The following LRGUK variants were observed in gnomAD, a reference collection of about 807,000 sequenced individuals.
LRGUK encodes the protein leucine rich repeats and guanylate kinase domain containing.
In LRGUK, 65 loss-of-function variants were observed where a neutral mutation model predicts 76.0. That is an observed-to-expected ratio of 0.85 (90% CI 0.70 to 1.05). The LOEUF (loss-of-function observed/expected upper bound fraction) is 1.05, where lower values mean the gene tolerates loss of function less well. Ranked by LOEUF, LRGUK falls within the 50% of genes least tolerant of loss-of-function variation. LRGUK has a pLI of 0.00. For synonymous variants in LRGUK, 268 were observed against 265.6 expected (o/e 1.01, Z -0.09); for missense variants, 758 against 732.8 (o/e 1.03, Z -0.40).
rs1585559301 is a variant in LRGUK, at chr7:134,209,314, C to T, written c.2451C>T (p.Pro817=). 3 of 399,412 alleles carry T rather than the reference C, an allele frequency of 7.5e-6. No homozygotes were observed. The East Asian group carries it at 1.1e-4, about 14-fold the overall frequency. 24.7% of individuals were successfully genotyped at this position (399,412 alleles called of 1,614,324 possible). A position where few individuals can be genotyped will look rare whatever the true frequency, so the allele number is the denominator to read the frequency against. ...AAATTGAGTCAGACAAACTTCCACC[C>T]AGCAGTTCCCACCATGATCCTCCAA... The change falls in exon 16 of 16, where the codon CCC becomes CCT. Residue 817 remains proline (P), a synonymous_variant. Transcript: ENST00000645682.
intron 5 of LRGUK, among the ~76,000 whole-genome samples, chr7:134,151,275 C>T (rs1205802113): frequency 2.0e-5 from 3 of 151,944 alleles, no homozygotes; most frequent in Admixed American, 2.0e-4. Context: ...AATTTTAAAA[C>T]AACTTTTATG....
chr7:134,240,700 G>T (rs1372293878), intron 16 of LRGUK, among the ~76,000 whole-genome samples: 1 of 152,138 alleles, frequency 6.6e-6, no homozygotes, highest in Non-Finnish European at 1.5e-5. Flanking sequence ...GAAATACAGA[G>T]AATGCCACAA....
chr7:134,228,781 T>G (rs1801821480), intron 16 of LRGUK, among the ~76,000 whole-genome samples: 1 of 152,116 alleles, frequency 6.6e-6, no homozygotes, highest in African/African-American at 2.4e-5. Context: ...TGTAATAATA[T>G]CAGATTATCA....
intron 1 of LRGUK, among the ~76,000 whole-genome samples, chr7:134,130,297 C>CA (rs1797243457): frequency 6.6e-6 from 1 of 151,698 alleles, no homozygotes. Context: ...TCCCCCCCCC[C>CA]CCAGAGGAAT....
chr7:134,145,936 T>A (rs1238759301), intron 4 of LRGUK, among the ~76,000 whole-genome samples: 1 of 152,176 alleles, frequency 6.6e-6, no homozygotes, highest in Non-Finnish European at 1.5e-5. Context: ...AGCTCTAGGT[T>A]CCAATGGGAG....
intron 8 of LRGUK, 84 bp from the exon 9 acceptor site, chr7:134,176,893 C>T (rs1035457546): frequency 2.6e-6 from 2 of 770,500 alleles, no homozygotes; most frequent in Non-Finnish European, 2.2e-6. Context: ...GGTGAAAGGC[C>T]CAAGCTCATG....
At chr7:134,219,424 G>T (rs569960588) in intron 15 of LRGUK, among the ~76,000 whole-genome samples, 40 of 152,204 alleles carry the variant, frequency 2.6e-4, no homozygotes, top group African/African-American at 9.2e-4. Flanking sequence ...CCACAGTACA[G>T]GCAACTTATG....
rs143800661 is a variant in LRGUK at position 134,196,941 on chromosome 7, T to C, written c.1432-51T>C. 29 of 996,734 alleles carry C rather than the reference T, an allele frequency of 2.9e-5. 1 individual carries two copies. In the East Asian group the frequency reaches 7.0e-4, roughly 24 times the overall value. 61.7% of individuals were successfully genotyped at this position (996,734 alleles called of 1,614,324 possible). On this transcript the variant is annotated intron_variant, in intron 12 of 15. Coordinates refer to ENST00000645682, the Ensembl canonical transcript of LRGUK. ...CATCAAATGATTTGAGTTATGTAAA[T>C]TCCATGATGGCTGCTGTTATATGAA... is the stretch of plus-strand genomic sequence containing the variant.
intron 16 of LRGUK, among the ~76,000 whole-genome samples, chr7:134,224,699 T>TA (rs922927001): frequency 1.2e-4 from 18 of 148,436 alleles, no homozygotes; most frequent in African/African-American, 3.0e-4. Flanking sequence ...AAATAAAAGC[T>TA]AAAAAAAAAA....
intron 18 of LRGUK, among the ~76,000 whole-genome samples, chr7:134,254,843 T>C (rs1321151265): frequency 6.6e-6 from 1 of 152,220 alleles, no homozygotes; most frequent in African/African-American, 2.4e-5. Context: ...TGGACTATTA[T>C]GCAGCAATTA....
intron 18 of LRGUK, among the ~76,000 whole-genome samples, chr7:134,252,386 C>T (rs1426290571): frequency 7.1e-6 from 1 of 140,516 alleles, no homozygotes; most frequent in African/African-American, 2.6e-5. Context: ...ATTAAAGGGA[C>T]CTAACATTCT....
At chr7:134,242,231 C>CA (rs1422070692) in intron 16 of LRGUK, among the ~76,000 whole-genome samples, 2 of 152,006 alleles carry the variant, frequency 1.3e-5, no homozygotes, top group Non-Finnish European at 2.9e-5. Flanking sequence ...GATAGAGACA[C>CA]AAAAAACCCT....
chr7:134,263,000 GT>G lies in LRGUK; in HGVS notation c.2348-837del, dbSNP rs1031250305. ...AAAAAAAAAAAAAAAAAAAGGAGGA[GT>G]TTTTTTTCTTTTCTTTTGCTGATAA... On this transcript the variant is annotated intron_variant, in intron 19 of 19. Transcript: ENST00000285928. 3.7e-4 allele frequency among the ~76,000 whole-genome samples: 54 copies of G among 145,040 alleles called. No individual in the cohort carries two copies. The South Asian group carries it at 6.8e-3, about 18-fold the overall frequency.
chr7:134,167,223 C>T (rs1012216471), intron 7 of LRGUK, among the ~76,000 whole-genome samples: 18 of 152,224 alleles, frequency 1.2e-4, no homozygotes, highest in African/African-American at 4.3e-4. Context: ...CTGATCTGCT[C>T]AGCAACTGCT....
At chr7:134,154,710 G>A (rs2116896270) in intron 5 of LRGUK, among the ~76,000 whole-genome samples, 1 of 152,304 alleles carries the variant, frequency 6.6e-6, no homozygotes, top group East Asian at 1.9e-4. Flanking sequence ...TAACCGCAAT[G>A]GTACCTGCAG....
At chr7:134,251,369 C>T (rs964946482) in intron 18 of LRGUK, among the ~76,000 whole-genome samples, 4 of 152,150 alleles carry the variant, frequency 2.6e-5, no homozygotes, top group Admixed American at 6.5e-5. Flanking sequence ...AGCAAACCAC[C>T]GGAAGTGATG....
intron 16 of LRGUK, among the ~76,000 whole-genome samples, chr7:134,228,780 A>G (rs1262452380): frequency 6.6e-6 from 1 of 152,174 alleles, no homozygotes; most frequent in African/African-American, 2.4e-5. Flanking sequence ...ATGTAATAAT[A>G]TCAGATTATC....
intron 16 of LRGUK, among the ~76,000 whole-genome samples, chr7:134,245,328 G>C (rs1359099738): frequency 6.6e-6 from 1 of 152,154 alleles, no homozygotes; most frequent in Admixed American, 6.6e-5. Flanking sequence ...GCTTTTCAGT[G>C]AATATTTTTC....
At chr7:134,201,261 C>T (rs1025752014) in intron 14 of LRGUK, among the ~76,000 whole-genome samples, 1 of 152,136 alleles carries the variant, frequency 6.6e-6, no homozygotes, top group Non-Finnish European at 1.5e-5. Flanking sequence ...GTCACACAAT[C>T]GTGGAGGTGG....
Sources: gnomAD v4.1 joint callset for allele counts (sites outside exome capture counted in the v4.1 genomes callset) on GRCh38, gnomAD v4.1.1 for gene constraint, MANE v1.5 for transcripts, NCBI Gene and HGNC (gene_info 2026-07-23, HGNC 2026-07-21) for gene names.